Variants in PLXDC2 observed in about 807,000 individuals in gnomAD.
The protein encoded by PLXDC2 is plexin domain containing 2.
PLXDC2 carries 40 observed loss-of-function variants against 68.9 expected under a neutral mutation model. The ratio of observed to expected loss-of-function variants is 0.58; its 90% CI spans 0.45 to 0.76. The LOEUF (loss-of-function observed/expected upper bound fraction) is 0.76, where lower values mean the gene tolerates loss of function less well. PLXDC2 is among the 30% of genes least tolerant of loss of function. The probability of loss-of-function intolerance (pLI) is 0.00; values close to 1 mark genes in which losing one functional copy is unlikely to be tolerated. For synonymous variants in PLXDC2, 243 were observed against 234.2 expected (o/e 1.04, Z -0.34); for missense variants, 644 against 661.9 (o/e 0.97, Z 0.30).
rs1213483200 is a variant in PLXDC2 at position 20,238,692 on chromosome 10, TACAC to T, written c.1313-6649_1313-6646del. 2.9e-4 allele frequency among the ~76,000 whole-genome samples: 34 copies of T among 118,252 alleles called. 1 individual carries two copies. The highest frequency in any genetic ancestry group is 7.7e-4 in the South Asian group (3 of 3,882). 77.6% of individuals were successfully genotyped at this position (118,252 alleles called of 152,430 possible). A position where few individuals can be genotyped will look rare whatever the true frequency, so the allele number is the denominator to read the frequency against. On this transcript the variant is annotated intron_variant, in intron 12 of 13. Coordinates refer to ENST00000377252, the MANE Select transcript of PLXDC2 (RefSeq NM_032812.9). ...ATATATATATGTATATATATATATA[TACAC>T]ACATATATATGTGTATATATACACA...
At chr10:20,118,683 C>G (rs981117477) in intron 4 of PLXDC2, among the ~76,000 whole-genome samples, 4 of 152,090 alleles carry the variant, frequency 2.6e-5, no homozygotes, top group Non-Finnish European at 4.4e-5. Flanking sequence ...AAGGAAATTA[C>G]AGAAACTTCA....
At chr10:20,078,694 A>C (rs926218826) in intron 4 of PLXDC2, among the ~76,000 whole-genome samples, 8 of 148,436 alleles carry the variant, frequency 5.4e-5, no homozygotes, top group Middle Eastern at 3.4e-3. Context: ...CAGTTGAAAA[A>C]TGTTGCTTAT....
chr10:20,161,191 A>G (rs1196188317), intron 6 of PLXDC2, among the ~76,000 whole-genome samples: 1 of 152,154 alleles, frequency 6.6e-6, no homozygotes, highest in East Asian at 1.9e-4. Flanking sequence ...AGTTGCCTAT[A>G]AATCAGCTTG....
At position 19,883,106 on chromosome 10, in the gene PLXDC2, G is replaced by A. The variant is rs376024123; in HGVS notation, c.112+65915G>A. ...CGAGTAGCTGGGACTACAGGCGCCCGCCACCACGCCCGGCTAATTTTTTGT... is the reference window on the plus strand; with the variant it reads ...CGAGTAGCTGGGACTACAGGCGCCCACCACCACGCCCGGCTAATTTTTTGT... On this transcript the variant is annotated intron_variant, in intron 1 of 13. Transcript: ENST00000377252. Among the ~76,000 whole-genome samples, 8 of 151,644 alleles carry A rather than the reference G, an allele frequency of 5.3e-5. No homozygotes were observed. The South Asian group carries it at 8.4e-4, about 16-fold the overall frequency.
At chr10:19,960,900 T>C (rs559805267) in intron 1 of PLXDC2, among the ~76,000 whole-genome samples, 16 of 152,358 alleles carry the variant, frequency 1.1e-4, no homozygotes, top group African/African-American at 3.8e-4. Context: ...AAACTAAGAA[T>C]ATAAAATCAA....
intron 9 of PLXDC2, among the ~76,000 whole-genome samples, chr10:20,198,671 A>G (rs181172079): frequency 1.4e-3 from 206 of 152,252 alleles, no homozygotes; most frequent in African/African-American, 4.6e-3. Flanking sequence ...ACATCATAAA[A>G]AAATTATATC....
chr10:19,928,721 G>T (rs1160144182), intron 1 of PLXDC2, among the ~76,000 whole-genome samples: 1 of 148,044 alleles, frequency 6.8e-6, no homozygotes, highest in African/African-American at 2.5e-5. Flanking sequence ...TAGATTGAGA[G>T]TCTTCGGTGA....
intron 6 of PLXDC2, among the ~76,000 whole-genome samples, chr10:20,162,909 C>CAAAAAAAAAAAAAAAAAAA (rs71390763): frequency 4.1e-5 from 4 of 98,058 alleles, no homozygotes; most frequent in Non-Finnish European, 7.7e-5. Context: ...ACTAAAAATA[C>CAAAAAAAAAAAAAAAAAAA]AAAAAAAAAA....
At chr10:20,037,595 C>A (rs1376088995) in intron 2 of PLXDC2, among the ~76,000 whole-genome samples, 2 of 135,620 alleles carry the variant, frequency 1.5e-5, no homozygotes, top group Admixed American at 7.3e-5. Context: ...GGTGTAGTAC[C>A]TAAGTAAAAA....
At position 20,285,583 on chromosome 10, in the gene PLXDC2, CTG is replaced by C. The variant is rs774514658; in HGVS notation, c.*5767_*5768del. ...TGTGCTGTAGACCTGTTAATTTTATCTGTGAGAAAAAAAGTTACTCAAAATTC... is the reference window on the plus strand; with the variant it reads ...TGTGCTGTAGACCTGTTAATTTTATCTGAGAAAAAAAGTTACTCAAAATTC... On this transcript the variant is annotated 3_prime_UTR_variant, in exon 14 of 14. Transcript: ENST00000377252. The C allele has an allele frequency of 5.3e-5, 8 of 152,146 alleles. No individual in the cohort carries two copies. Among genetic ancestry groups the C allele is most frequent in the Non-Finnish European group, 1.0e-4 (7 of 68,020 alleles). The allele number at this position is 152,146 out of a possible 1,614,324, so 9.4% of individuals were successfully genotyped here. A position where few individuals can be genotyped will look rare whatever the true frequency, so the allele number is the denominator to read the frequency against.
chr10:19,966,690 C>T (rs934692963), intron 1 of PLXDC2, among the ~76,000 whole-genome samples: 1 of 152,096 alleles, frequency 6.6e-6, no homozygotes, highest in African/African-American at 2.4e-5. Flanking sequence ...TTCCTTAATA[C>T]CACTGAACAT....
intron 3 of PLXDC2, among the ~76,000 whole-genome samples, chr10:20,051,681 T>C (rs140290459): frequency 1.2e-3 from 187 of 152,064 alleles, no homozygotes; most frequent in African/African-American, 4.3e-3. Context: ...TCTCCCGTGC[T>C]TTTATTTATT....
chr10:19,946,167 C>G (rs184377187), intron 1 of PLXDC2, among the ~76,000 whole-genome samples: 5 of 152,294 alleles, frequency 3.3e-5, no homozygotes, highest in Admixed American at 3.3e-4. Context: ...ATGGAATCCC[C>G]TGCCTCCAAT....
chr10:20,172,428 C>T (rs892272963), intron 7 of PLXDC2, among the ~76,000 whole-genome samples: 25 of 152,268 alleles, frequency 1.6e-4, no homozygotes, highest in Admixed American at 1.0e-3. Flanking sequence ...CCCACTGTGA[C>T]ACTGCGTGGA....
At chr10:20,129,520 CATACACATATATATAT>C in intron 4 of PLXDC2, among the ~76,000 whole-genome samples, 1 of 71,310 alleles carries the variant, frequency 1.4e-5, no homozygotes, top group East Asian at 2.3e-4. Context: ...CCCATATATA[CATACACATATATATAT>C]ATACACATAC....
intron 4 of PLXDC2, among the ~76,000 whole-genome samples, chr10:20,092,896 G>C (rs1022178954): frequency 1.1e-4 from 16 of 151,990 alleles, no homozygotes; most frequent in Non-Finnish European, 2.2e-4. Context: ...CCAACAGAAG[G>C]CAGAAGAGAT....
intron 3 of PLXDC2, among the ~76,000 whole-genome samples, chr10:20,067,687 CAA>C (rs776006903): frequency 2.4e-4 from 19 of 78,742 alleles, no homozygotes; most frequent in Admixed American, 2.9e-4. Context: ...AACTCCGACT[CAA>C]AAAAAAAAAA....
intron 13 of PLXDC2, among the ~76,000 whole-genome samples, chr10:20,269,993 A>T (rs1835915105): frequency 1.3e-5 from 2 of 151,776 alleles, no homozygotes; most frequent in Middle Eastern, 6.8e-3. Context: ...ACTACATCCT[A>T]GGCAACAGAG....
intron 1 of PLXDC2, among the ~76,000 whole-genome samples, chr10:19,820,651 A>G (rs1410668269): frequency 2.6e-5 from 4 of 151,894 alleles, no homozygotes; most frequent in African/African-American, 7.3e-5. Flanking sequence ...AAAAAAAAAA[A>G]AAAAGAAAAG....
Sources: gnomAD v4.1 joint callset for allele counts (sites outside exome capture counted in the v4.1 genomes callset) on GRCh38, gnomAD v4.1.1 for gene constraint, MANE v1.5 for transcripts, NCBI Gene and HGNC (gene_info 2026-07-23, HGNC 2026-07-21) for gene names.